BUD23: variants seen among roughly 807,000 people sequenced by gnomAD.
BUD23 encodes BUD23 rRNA methyltransferase and ribosome maturation factor, also known as 18S rRNA (guanine-N(7))-methyltransferase.
A neutral mutation model predicts 47.0 loss-of-function variants in BUD23; 34 were observed. That is an observed-to-expected ratio of 0.72 (90% confidence interval 0.55 to 0.96). The LOEUF is 0.96. BUD23 is among the 40% of genes least tolerant of loss of function. The pLI is 0.00. For missense variants in BUD23, 343 were observed against 361.2 expected (o/e 0.95, Z 0.41); for synonymous variants, 124 against 132.0 (o/e 0.94, Z 0.41).
At chr7:73,692,544 C>G in intron 6 of BUD23, 52 bp from the exon 7 acceptor site, 1 of 1,576,434 alleles carries the variant, frequency 6.3e-7, no homozygotes, top group Non-Finnish European at 8.7e-7. Context: ...GGTGTCCAGG[C>G]CCTAAGCTCA....
intron 5 of BUD23, among the ~76,000 whole-genome samples, chr7:73,688,796 C>G (rs782351393): frequency 3.3e-5 from 5 of 152,086 alleles, no homozygotes; most frequent in Non-Finnish European, 7.4e-5. Context: ...TTTGGTTACC[C>G]TAAGTTGAGT....
intron 5 of BUD23, among the ~76,000 whole-genome samples, chr7:73,687,791 T>A (rs1455702595): frequency 1.3e-5 from 2 of 152,138 alleles, no homozygotes; most frequent in Non-Finnish European, 2.9e-5. Flanking sequence ...TTTTCAGATT[T>A]ACAAGGTTAG....
At chr7:73,688,163 T>G (rs187475440) in intron 5 of BUD23, among the ~76,000 whole-genome samples, 15 of 152,256 alleles carry the variant, frequency 9.9e-5, no homozygotes, top group Admixed American at 8.5e-4. Flanking sequence ...CCCAAAGTGC[T>G]AGGATTACAG....
Position 73,698,078 on chromosome 7 carries a change from T to C in BUD23, c.*192T>C. Reference sequence around the variant, plus strand: ...TGGGAGGCTGAGGTGGGAGGATCATTTGAGGCCAGGAGTTTGAGACCTGCC... The same window carrying C: ...TGGGAGGCTGAGGTGGGAGGATCATCTGAGGCCAGGAGTTTGAGACCTGCC... On this transcript the variant is annotated 3_prime_UTR_variant, in exon 12 of 12. Transcript: ENST00000265758. 1 of 443,182 alleles carries C rather than the reference T, an allele frequency of 2.3e-6. No individual in the cohort carries two copies. Among genetic ancestry groups the C allele is most frequent in the Non-Finnish European group, 3.8e-6 (1 of 261,668 alleles). 27.5% of individuals were successfully genotyped at this position (443,182 alleles called of 1,614,324 possible).
intron 5 of BUD23, among the ~76,000 whole-genome samples, chr7:73,689,598 A>G (rs1205532565): frequency 6.6e-6 from 1 of 152,070 alleles, no homozygotes; most frequent in African/African-American, 2.4e-5. Flanking sequence ...TTGGATAGTC[A>G]AGGAGAGGGT....
chr7:73,686,549 C>CT (rs1167161615), intron 2 of BUD23, 87 bp from the exon 3 acceptor site: 137 of 1,222,888 alleles, frequency 1.1e-4, no homozygotes, highest in Non-Finnish European at 1.4e-4. Context: ...TTTAACTTGG[C>CT]TTTTTTTTGT....
intron 5 of BUD23, among the ~76,000 whole-genome samples, chr7:73,688,087 G>A (rs558454481): frequency 1.3e-5 from 2 of 151,984 alleles, no homozygotes; most frequent in African/African-American, 2.4e-5. Flanking sequence ...TAGTAGAGAC[G>A]GGGTTTCACC....
At chr7:73,689,292 C>T (rs533474518) in intron 5 of BUD23, among the ~76,000 whole-genome samples, 2 of 152,128 alleles carry the variant, frequency 1.3e-5, no homozygotes, top group South Asian at 4.2e-4. Flanking sequence ...CATGAACTGC[C>T]CGCCTCAACC....
At chr7:73,691,380 G>A (rs782399954) in intron 6 of BUD23, among the ~76,000 whole-genome samples, 9 of 152,088 alleles carry the variant, frequency 5.9e-5, no homozygotes, top group Non-Finnish European at 1.0e-4. Flanking sequence ...TGTCGTGTCC[G>A]GACCATCCAG....
chr7:73,693,490 T>C, intron 8 of BUD23, 76 bp downstream of exon 8: 2 of 1,599,412 alleles, frequency 1.3e-6, no homozygotes, highest in Non-Finnish European at 1.7e-6. Flanking sequence ...GGCCACTCAG[T>C]GGTGCAGAGG....
chr7:73,685,024 T>C (rs2116666386), intron 2 of BUD23, among the ~76,000 whole-genome samples: 1 of 148,532 alleles, frequency 6.7e-6, no homozygotes, highest in South Asian at 2.2e-4. Context: ...AAATGGTTAC[T>C]GGCCGGGCGC....
chr7:73,692,490 A>AT, intron 6 of BUD23, 106 bp from the exon 7 acceptor site: 3 of 1,128,640 alleles, frequency 2.7e-6, no homozygotes, highest in Non-Finnish European at 3.9e-6. Flanking sequence ...TGCCTCACAC[A>AT]TAATGGAAAT....
chr7:73,684,104 G>A (rs1198846259), intron 2 of BUD23: 2 of 879,946 alleles, frequency 2.3e-6, no homozygotes, highest in African/African-American at 1.7e-5. Flanking sequence ...GGGTACGGGC[G>A]AGGGGTCAGT....
chr7:73,693,982 G>A lies in BUD23; in HGVS notation c.643-10G>A. ...TCCAGGGTGACCTGAGTGCACTTTG[G>A]TTCCTGCAGGGGCTGAGTGAAAATC... On this transcript the variant is annotated splice_polypyrimidine_tract_variant and intron_variant, in intron 9 of 11. Transcript: ENST00000265758. 1 of 1,611,914 alleles carries A rather than the reference G, an allele frequency of 6.2e-7. No homozygotes were observed. Among genetic ancestry groups the A allele is most frequent in the Non-Finnish European group, 8.5e-7 (1 of 1,179,468 alleles).
chr7:73,697,229 G>A lies in BUD23; in HGVS notation c.702-376G>A. 5.3e-6 allele frequency: 3 copies of A among 560,792 alleles called. No individual in the cohort carries two copies. The South Asian group carries it at 6.1e-5, about 11-fold the overall frequency. 34.7% of individuals were successfully genotyped at this position (560,792 alleles called of 1,614,324 possible). On this transcript the variant is annotated intron_variant, in intron 10 of 11. Transcript: ENST00000265758. ...CCAAGCTGTGGGACCCTAAGCTCCT[G>A]CTGTGAACTGTCGACTGTGCTCTTG...
At chr7:73,684,955 A>G (rs1797901313) in intron 2 of BUD23, among the ~76,000 whole-genome samples, 1 of 123,270 alleles carries the variant, frequency 8.1e-6, no homozygotes, top group Non-Finnish European at 1.8e-5. Context: ...AAAAAAAAAA[A>G]AAAAGATACT....
intron 6 of BUD23, 115 bp from the exon 7 acceptor site, chr7:73,692,471 CCCTAACAATG>C: frequency 1.2e-6 from 1 of 862,164 alleles, no homozygotes; most frequent in East Asian, 2.7e-5. Flanking sequence ...CTATCCCCAG[CCCTAACAATG>C]CCTCACACAT....
intron 5 of BUD23, among the ~76,000 whole-genome samples, chr7:73,688,006 C>T (rs1339340617): frequency 1.3e-5 from 2 of 151,846 alleles, no homozygotes; most frequent in East Asian, 3.9e-4. Context: ...AGCCATTCAC[C>T]TGCCTCAGCC....
At chr7:73,694,182 C>T (rs1798306850) in intron 10 of BUD23, 132 bp downstream of exon 10, 1 of 946,710 alleles carries the variant, frequency 1.1e-6, no homozygotes, top group Non-Finnish European at 1.5e-6. Context: ...ACGGTAGAAA[C>T]ATCAGGTCCC....
Sources: allele counts gnomAD v4.1 joint callset (sites outside exome capture counted in the v4.1 genomes callset), GRCh38; gene constraint gnomAD v4.1.1; transcripts MANE v1.5; gene names NCBI Gene and HGNC (gene_info 2026-07-23, HGNC 2026-07-21).